Variants in SPAG16 observed in about 807,000 individuals in gnomAD.
The protein encoded by SPAG16 is sperm associated antigen 16, also known as sperm-associated antigen 16 protein.
SPAG16 carries 86 observed loss-of-function variants against 80.4 expected under a neutral mutation model. The ratio of observed to expected loss-of-function variants is 1.07; its 90% CI spans 0.90 to 1.28. The LOEUF (loss-of-function observed/expected upper bound fraction) is 1.28, where lower values mean the gene tolerates loss of function less well. Among genes scored for constraint, SPAG16 ranks in the 50% most tolerant of loss-of-function variants. The pLI is 0.00. For missense variants in SPAG16, 870 were observed against 765.3 expected, an observed-to-expected ratio of 1.14 and a Z score of -1.61; for synonymous variants, 294 against 265.9, an observed-to-expected ratio of 1.11 and a Z score of -1.03.
In SPAG16 at chr2:214,035,362, G is replaced by T. The variant is rs953518458; in HGVS notation, c.1527+21285G>T. 3.3e-5 allele frequency among the ~76,000 whole-genome samples: 5 copies of T among 152,310 alleles called. No homozygotes were observed. In the East Asian group the frequency reaches 9.7e-4, roughly 29 times the overall value. Reference sequence around the variant, plus strand: ...AGGGACCTGCCCCTTATGCCCAGGAGCCTGTCTGCTTTCTGCTGCCATTCA... The same window carrying T: ...AGGGACCTGCCCCTTATGCCCAGGATCCTGTCTGCTTTCTGCTGCCATTCA... On this transcript the variant is annotated intron_variant, in intron 13 of 15. Transcript: ENST00000331683.
chr2:213,599,421 C>G (rs1346050520), intron 10 of SPAG16, among the ~76,000 whole-genome samples: 1 of 152,158 alleles, frequency 6.6e-6, no homozygotes, highest in African/African-American at 2.4e-5. Context: ...AGCCCTGGGA[C>G]AACATGGCCA....
intron 12 of SPAG16, among the ~76,000 whole-genome samples, chr2:213,963,460 T>A (rs2044557291): frequency 6.6e-6 from 1 of 152,194 alleles, no homozygotes; most frequent in Non-Finnish European, 1.5e-5. Flanking sequence ...TATGGCCCAC[T>A]ATACGATTTA....
intron 11 of SPAG16, among the ~76,000 whole-genome samples, chr2:213,901,493 T>C (rs1351187945): frequency 2.0e-5 from 3 of 152,122 alleles, no homozygotes; most frequent in Non-Finnish European, 4.4e-5. Context: ...TTTGTTATTG[T>C]AGTGAAAAGG....
At chr2:213,861,337 A>T (rs767610195) in intron 10 of SPAG16, among the ~76,000 whole-genome samples, 7 of 152,216 alleles carry the variant, frequency 4.6e-5, no homozygotes, top group Non-Finnish European at 8.8e-5. Context: ...CTCTCATATA[A>T]GCCTGGAGTT....
intron 13 of SPAG16, among the ~76,000 whole-genome samples, chr2:214,033,181 A>G (rs1279885819): frequency 6.6e-6 from 1 of 152,216 alleles, no homozygotes; most frequent in Non-Finnish European, 1.5e-5. Context: ...ACTGCAGCAA[A>G]TGCATGATCA....
intron 10 of SPAG16, among the ~76,000 whole-genome samples, chr2:213,851,869 G>T (rs2074929052): frequency 6.6e-6 from 1 of 152,196 alleles, no homozygotes; most frequent in Non-Finnish European, 1.5e-5. Context: ...TGAAAGGACA[G>T]TGCTACTTTC....
intron 10 of SPAG16, among the ~76,000 whole-genome samples, chr2:213,832,827 C>T (rs1032698100): frequency 4.6e-5 from 7 of 152,084 alleles, no homozygotes; most frequent in African/African-American, 4.8e-5. Context: ...TGTAAATCTT[C>T]GATTAAATAA....
At chr2:213,330,492 G>A (rs2064046528) in intron 5 of SPAG16, among the ~76,000 whole-genome samples, 2 of 152,186 alleles carry the variant, frequency 1.3e-5, no homozygotes, top group Non-Finnish European at 2.9e-5. Flanking sequence ...CTTTGTTTGG[G>A]CCAATTTCTC....
At chr2:214,345,653 C>T (rs1037629976) in intron 15 of SPAG16, among the ~76,000 whole-genome samples, 2 of 152,024 alleles carry the variant, frequency 1.3e-5, no homozygotes, top group African/African-American at 4.8e-5. Flanking sequence ...AAGAATAGAA[C>T]ATTATCAGCA....
At chr2:214,071,719 A>G (rs559105300) in intron 13 of SPAG16, among the ~76,000 whole-genome samples, 5 of 151,950 alleles carry the variant, frequency 3.3e-5, no homozygotes, top group Non-Finnish European at 5.9e-5. Flanking sequence ...ATACACTACA[A>G]TGTTTTTGTG....
intron 15 of SPAG16, among the ~76,000 whole-genome samples, chr2:214,199,707 C>A (rs1231068311): frequency 6.6e-6 from 1 of 152,086 alleles, no homozygotes; most frequent in African/African-American, 2.4e-5. Context: ...GTCATTTTCA[C>A]AATATTGTAT....
chr2:213,867,132 A>G (rs1322295824), intron 11 of SPAG16, among the ~76,000 whole-genome samples: 2 of 152,194 alleles, frequency 1.3e-5, no homozygotes, highest in African/African-American at 4.8e-5. Context: ...TTTTAAGGAC[A>G]TGGATAACTT....
intron 15 of SPAG16, among the ~76,000 whole-genome samples, chr2:214,358,420 A>G (rs1444235281): frequency 6.6e-6 from 1 of 151,970 alleles, no homozygotes; most frequent in African/African-American, 2.4e-5. Context: ...ATGCCAAACT[A>G]TAGCCCACTC....
At chr2:213,318,856 A>C (rs576306835) in intron 5 of SPAG16, among the ~76,000 whole-genome samples, 2 of 151,896 alleles carry the variant, frequency 1.3e-5, no homozygotes, top group South Asian at 2.1e-4. Context: ...TATGAAAATA[A>C]ATTTTCTTCT....
At chr2:214,343,303 A>G (rs1336203458) in intron 15 of SPAG16, among the ~76,000 whole-genome samples, 2 of 152,168 alleles carry the variant, frequency 1.3e-5, no homozygotes, top group Non-Finnish European at 1.5e-5. Flanking sequence ...CTGTAAAACT[A>G]AAAGTAGAAA....
chr2:213,877,673 G>C (rs2076192030), intron 11 of SPAG16, among the ~76,000 whole-genome samples: 1 of 152,118 alleles, frequency 6.6e-6, no homozygotes, highest in Admixed American at 6.5e-5. Flanking sequence ...CTTAGGGAGA[G>C]GATGAGGATA....
chr2:213,643,624 C>G (rs1186632546), intron 10 of SPAG16, among the ~76,000 whole-genome samples: 1 of 150,118 alleles, frequency 6.7e-6, no homozygotes, highest in Non-Finnish European at 1.5e-5. Flanking sequence ...TCTACTTCCT[C>G]TTTATGGCCA....
At position 214,226,252 on chromosome 2, in the gene SPAG16, C is replaced by A. The variant is rs114893522; in HGVS notation, c.1720+76986C>A. Among the ~76,000 whole-genome samples the A allele has an allele frequency of 4.9e-3, 749 of 152,022 alleles. 9 individuals are homozygous for A. Among genetic ancestry groups the A allele is most frequent in the African/African-American group, 0.017 (695 of 41,480 alleles). Reference sequence around the variant, plus strand: ...TTAGCTGGTATGACTCAGCTCTGCCCCTTGGATTCTTCTCATAGTGAAGGT... The same window carrying A: ...TTAGCTGGTATGACTCAGCTCTGCCACTTGGATTCTTCTCATAGTGAAGGT... On this transcript the variant is annotated intron_variant, in intron 15 of 15. Transcript: ENST00000331683.
intron 15 of SPAG16, among the ~76,000 whole-genome samples, chr2:214,171,008 A>C (rs1559102114): frequency 6.6e-6 from 1 of 152,044 alleles, no homozygotes; most frequent in Non-Finnish European, 1.5e-5. Flanking sequence ...GGATAAATAC[A>C]AATGGGTGTG....
Sources: gnomAD v4.1 joint callset for allele counts (sites outside exome capture counted in the v4.1 genomes callset) on GRCh38, gnomAD v4.1.1 for gene constraint, MANE v1.5 for transcripts, NCBI Gene and HGNC (gene_info 2026-07-23, HGNC 2026-07-21) for gene names.